APOBEC3F: variants seen among roughly 807,000 people sequenced by gnomAD.
APOBEC3F encodes the protein apolipoprotein B mRNA editing enzyme catalytic subunit 3F, also known as DNA dC->dU-editing enzyme APOBEC-3F.
Under a neutral mutation model 45.8 loss-of-function variants are expected in APOBEC3F, and 34 were observed. That is an observed-to-expected ratio of 0.74 (90% CI 0.57 to 0.99). APOBEC3F has a LOEUF of 0.99. Ranked by LOEUF, APOBEC3F falls within the 50% of genes least tolerant of loss-of-function variation. The pLI is 0.00. For synonymous variants in APOBEC3F, 192 were observed against 174.4 expected (o/e 1.10, Z -0.80); for missense variants, 459 against 474.1 (o/e 0.97, Z 0.30).
At position 39,055,769 on chromosome 22, in the gene APOBEC3F, G is replaced by A. The variant is rs73887540; in HGVS notation, c.*3074G>A. ...TGAGGAAGCATTGTGAAACTTTCTG[G>A]TCTGTTCTGCTAGCCCCCACCACTG... On this transcript the variant is annotated 3_prime_UTR_variant, in exon 7 of 7. Coordinates refer to ENST00000308521, the MANE Select transcript of APOBEC3F (RefSeq NM_145298.6). Among the ~76,000 whole-genome samples, 903 of 152,220 alleles carry A rather than the reference G, an allele frequency of 5.9e-3. 10 individuals carry two copies. The highest frequency in any genetic ancestry group is 0.021 in the African/African-American group (861 of 41,542).
Position 39,044,266 on chromosome 22 carries a change from G to A in APOBEC3F, c.172-675G>A, listed in dbSNP as rs192146564. ...GAGGATGCCTGGTGAATGGATGCCTGGGAGAATGGATGCCAGAATTCACGC... is the reference window on the plus strand; with the variant it reads ...GAGGATGCCTGGTGAATGGATGCCTAGGAGAATGGATGCCAGAATTCACGC... On this transcript the variant is annotated intron_variant, in intron 2 of 6. Coordinates refer to ENST00000308521, the MANE Select transcript of APOBEC3F (RefSeq NM_145298.6). 1.3e-4 allele frequency: 200 copies of A among 1,566,162 alleles called. 1 individual carries two copies. The East Asian group carries it at 4.2e-3, about 33-fold the overall frequency.
intron 1 of APOBEC3F, among the ~76,000 whole-genome samples, chr22:39,041,916 A>T (rs1006684203): frequency 2.6e-5 from 4 of 152,150 alleles, no homozygotes; most frequent in Admixed American, 2.6e-4. Flanking sequence ...AAAAAACTCA[A>T]TGATCAGGAG....
chr22:39,045,622 C>CTCCTGCCCTCCG, intron 4 of APOBEC3F, 80 bp downstream of exon 4: 1 of 1,600,418 alleles, frequency 6.2e-7, no homozygotes, highest in Non-Finnish European at 8.5e-7. Context: ...TGGCCAGGCC[C>CTCCTGCCCTCCG]TCCTGCCCTC....
In APOBEC3F at chr22:39,053,047, C is replaced by A. The variant is rs1027794512; in HGVS notation, c.*352C>A. 3 of 178,596 alleles carry A rather than the reference C, an allele frequency of 1.7e-5. No homozygotes were observed. The highest frequency in any genetic ancestry group is 7.2e-5 in the African/African-American group (3 of 41,730). The allele number at this position is 178,596 out of a possible 1,614,324, so 11.1% of individuals were successfully genotyped here. On this transcript the variant is annotated 3_prime_UTR_variant, in exon 7 of 7. Transcript: ENST00000308521. ...TGTCACCCAGACTGGAGTGCAATGG[C>A]TTGATCTTGGCTCACTGCAAACTCT...
At position 39,040,883 on chromosome 22, in the gene APOBEC3F, T is replaced by C; in HGVS notation, c.-78T>C. On this transcript the variant is annotated 5_prime_UTR_variant, in exon 1 of 7. Coordinates refer to ENST00000308521, the MANE Select transcript of APOBEC3F (RefSeq NM_145298.6). ...GAGGTCACTTTAGGGAGGGCTGTCCTGAAACCTGGAGCCTGGAGCAGAAAG... is the reference window on the plus strand; with the variant it reads ...GAGGTCACTTTAGGGAGGGCTGTCCCGAAACCTGGAGCCTGGAGCAGAAAG... The C allele has an allele frequency of 6.4e-7, 1 of 1,551,650 alleles. No homozygotes were observed. The highest frequency in any genetic ancestry group is 8.7e-7 in the Non-Finnish European group (1 of 1,147,028).
chr22:39,052,517 GC>G (rs1927545894), intron 6 of APOBEC3F, 59 bp from the exon 7 acceptor site: 1 of 1,579,788 alleles, frequency 6.3e-7, no homozygotes, highest in African/African-American at 1.4e-5. Context: ...GGAGGGGAGG[GC>G]CCAGGGCTGG....
At chr22:39,051,484 C>T (rs543509572) in intron 5 of APOBEC3F, among the ~76,000 whole-genome samples, 15 of 147,696 alleles carry the variant, frequency 1.0e-4, no homozygotes, top group African/African-American at 2.8e-4. Context: ...TTGCAGTGAG[C>T]GGAGATCGCG....
intron 5 of APOBEC3F, among the ~76,000 whole-genome samples, chr22:39,050,773 G>A (rs921539681): frequency 1.3e-5 from 2 of 151,754 alleles, no homozygotes; most frequent in African/African-American, 4.8e-5. Flanking sequence ...AACTCCATGG[G>A]ACAATGTGGG....
chr22:39,049,449 A>G lies in APOBEC3F; in HGVS notation c.591A>G (p.Pro197=). 6.2e-7 allele frequency: 1 copy of G among 1,614,110 alleles called. No individual in the cohort carries two copies. The highest frequency in any genetic ancestry group is 8.5e-7 in the Non-Finnish European group (1 of 1,180,016). The stretch of plus-strand genomic sequence containing the variant: ...GAAACCCGATGGAGGCAATGTATCC[A>G]CACATATTCTACTTCCACTTTAAAA... ...ILRNPMEAMY[P]HIFYFHFKNL... is the part of the protein sequence containing the mutation. The change falls in exon 5 of 7, where the codon CCA becomes CCG. Residue 197 remains proline (P), a synonymous_variant. Coordinates refer to ENST00000308521, the MANE Select transcript of APOBEC3F (RefSeq NM_145298.6).
chr22:39,047,677 G>A (rs749360643), intron 4 of APOBEC3F, among the ~76,000 whole-genome samples: 1 of 151,618 alleles, frequency 6.6e-6, no homozygotes. Flanking sequence ...CCTGCTATGT[G>A]GTCGCCCCTT....
At chr22:39,046,480 AC>A (rs1927227346) in intron 4 of APOBEC3F, among the ~76,000 whole-genome samples, 1 of 151,218 alleles carries the variant, frequency 6.6e-6, no homozygotes, top group Non-Finnish European at 1.5e-5. Flanking sequence ...CCTGGGCCCC[AC>A]CCCATGGCTT....
At chr22:39,044,872 C>T (rs2146342698) in intron 2 of APOBEC3F, 69 bp from the exon 3 acceptor site, 1 of 1,424,608 alleles carries the variant, frequency 7.0e-7, no homozygotes, top group East Asian at 2.5e-5. Context: ...CCCTCCTCTC[C>T]CTGCCCCACC....
chr22:39,047,782 C>CGCCCTGGGATGGTGCTCCCT (rs1927295567), intron 4 of APOBEC3F, among the ~76,000 whole-genome samples: 1 of 152,126 alleles, frequency 6.6e-6, no homozygotes, highest in Non-Finnish European at 1.5e-5. Flanking sequence ...TATTGCTCCC[C>CGCCCTGGGATGGTGCTCCCT]GCCCTGGGAT....
At chr22:39,041,223 C>G (rs1282961249) in intron 1 of APOBEC3F, among the ~76,000 whole-genome samples, 1 of 152,104 alleles carries the variant, frequency 6.6e-6, no homozygotes, top group Non-Finnish European at 1.5e-5. Context: ...GACTCTCCCC[C>G]GCCACCGAAA....
intron 2 of APOBEC3F, among the ~76,000 whole-genome samples, chr22:39,043,623 A>C (rs557047510): frequency 2.6e-5 from 4 of 151,586 alleles, no homozygotes; most frequent in African/African-American, 9.7e-5. Context: ...TTTAATATTT[A>C]ATTAATCCAA....
In APOBEC3F at chr22:39,055,084, T is replaced by C. The variant is rs1484605208; in HGVS notation, c.*2389T>C. 6.6e-6 allele frequency among the ~76,000 whole-genome samples: 1 copy of C among 151,332 alleles called. No homozygotes were observed. The highest frequency in any genetic ancestry group is 1.9e-4 in the East Asian group (1 of 5,178). ...CTCTCTGCTTCCAAATATCTTTTTT[T>C]TTTTTTTCAGACAGTTTTGCTCTTG... On this transcript the variant is annotated 3_prime_UTR_variant, in exon 7 of 7. Transcript: ENST00000308521.
At chr22:39,049,741 C>G (rs1927394764) in intron 5 of APOBEC3F, among the ~76,000 whole-genome samples, 160 bp downstream of exon 5, 2 of 151,052 alleles carry the variant, frequency 1.3e-5, no homozygotes, top group African/African-American at 4.9e-5. Flanking sequence ...ACTCAGTCAC[C>G]CAGGCTGGAG....
chr22:39,052,967 A>C lies in APOBEC3F; in HGVS notation c.*272A>C, dbSNP rs1927569848. 18 of 489,624 alleles carry C rather than the reference A, an allele frequency of 3.7e-5. No individual in the cohort carries two copies. The highest frequency in any genetic ancestry group is 7.5e-5 in the South Asian group (1 of 13,400). The allele number at this position is 489,624 out of a possible 1,614,324, so 30.3% of individuals were successfully genotyped here. Reference sequence around the variant, plus strand: ...GCATGCCCCTAACCTGCCTTTTCCCATCTCCCCAGCATAACCTAATATTTT... The same window carrying C: ...GCATGCCCCTAACCTGCCTTTTCCCCTCTCCCCAGCATAACCTAATATTTT... On this transcript the variant is annotated 3_prime_UTR_variant, in exon 7 of 7. Coordinates refer to ENST00000308521, the MANE Select transcript of APOBEC3F (RefSeq NM_145298.6).
At chr22:39,048,488 C>A (rs757309701) in intron 4 of APOBEC3F, among the ~76,000 whole-genome samples, 6 of 152,142 alleles carry the variant, frequency 3.9e-5, no homozygotes, top group Non-Finnish European at 8.8e-5. Context: ...GCCTGGCCAA[C>A]ATGGTGAAAC....
Sources: allele counts gnomAD v4.1 joint callset (sites outside exome capture counted in the v4.1 genomes callset), GRCh38; gene constraint gnomAD v4.1.1; transcripts MANE v1.5; gene names NCBI Gene and HGNC (gene_info 2026-07-23, HGNC 2026-07-21).